The following CHIC2 variants were observed in gnomAD, a reference collection of about 807,000 sequenced individuals.
CHIC2 encodes cysteine rich hydrophobic domain 2, also known as cysteine-rich hydrophobic domain-containing protein 2.
CHIC2 carries 14 observed loss-of-function variants against 25.9 expected under a neutral mutation model. That is an observed-to-expected ratio of 0.54 (90% CI 0.36 to 0.85). CHIC2 has a LOEUF of 0.85. Ranked by LOEUF, CHIC2 falls within the 40% of genes least tolerant of loss-of-function variation. The pLI, the probability that CHIC2 is intolerant of heterozygous loss-of-function variation, is 0.01. For missense variants in CHIC2, 146 were observed against 202.0 expected (o/e 0.72, Z 1.68); for synonymous variants, 70 against 72.0 (o/e 0.97, Z 0.14).
chr4:54,061,253 T>G (rs553693558), intron 1 of CHIC2: 236 of 152,290 alleles, frequency 1.5e-3, no homozygotes, highest in African/African-American at 5.4e-3. Flanking sequence ...GGAAGGTAAC[T>G]TTCTTTCTCA....
chr4:54,074,597 A>AACACACACACACACACAC, the CHIC2 span, among the ~76,000 whole-genome samples: 2 of 139,602 alleles, frequency 1.4e-5, no homozygotes, highest in Admixed American at 7.0e-5. Context: ...ACAACACACA[A>AACACACACACACACACAC]ACACACACAC....
intron 1 of CHIC2, among the ~76,000 whole-genome samples, chr4:54,050,837 T>A (rs1458558559): frequency 2.6e-5 from 4 of 152,116 alleles, no homozygotes; most frequent in Admixed American, 6.5e-5. Flanking sequence ...TACTGACCCA[T>A]TTATCAGAGT....
chr4:54,022,810 G>T (rs956546549), intron 3 of CHIC2, among the ~76,000 whole-genome samples: 3 of 152,008 alleles, frequency 2.0e-5, no homozygotes, highest in East Asian at 1.9e-4. Flanking sequence ...CCCACAGCAC[G>T]ATTTAAAAGG....
intron 3 of CHIC2, among the ~76,000 whole-genome samples, chr4:54,046,015 CAGAG>C (rs1231800780): frequency 1.3e-5 from 2 of 151,868 alleles, no homozygotes. Flanking sequence ...AACAGACAAA[CAGAG>C]AGCCAAATCA....
the CHIC2 span, among the ~76,000 whole-genome samples, chr4:54,080,627 G>A: frequency 0.2 from 29,518 of 151,312 alleles, 2,988 homozygotes; most frequent in South Asian, 0.27. Context: ...TTAGCTGGGC[G>A]TGGTGGCACA....
intron 1 of CHIC2, among the ~76,000 whole-genome samples, chr4:54,063,347 G>A (rs1717394834): frequency 6.6e-6 from 1 of 152,190 alleles, no homozygotes; most frequent in African/African-American, 2.4e-5. Context: ...ACTTCATAGT[G>A]AAACATTACA....
At chr4:54,076,546 C>T in the CHIC2 span, 1 of 152,170 alleles carries the variant, frequency 6.6e-6, no homozygotes, top group Non-Finnish European at 1.5e-5. Flanking sequence ...ATTTTACAAT[C>T]CCATGATGAT....
At chr4:54,011,112 G>C (rs1044020167) in intron 5 of CHIC2, among the ~76,000 whole-genome samples, 2 of 152,104 alleles carry the variant, frequency 1.3e-5, no homozygotes, top group Non-Finnish European at 2.9e-5. Flanking sequence ...AAGTTTCTAA[G>C]TCTAGTGAAC....
chr4:54,082,194 C>T, the CHIC2 span, among the ~76,000 whole-genome samples: 1 of 152,212 alleles, frequency 6.6e-6, no homozygotes, highest in Non-Finnish European at 1.5e-5. Context: ...CTACATGGAT[C>T]TCAAAAATGA....
At chr4:54,022,295 C>T (rs536332538) in intron 3 of CHIC2, among the ~76,000 whole-genome samples, 81 of 152,240 alleles carry the variant, frequency 5.3e-4, no homozygotes, top group Admixed American at 2.7e-3. Context: ...GCTGCCCGAT[C>T]GCCTCAGAAG....
chr4:54,016,118 G>GATTTTACTTTTACT (rs1715730802), intron 3 of CHIC2, among the ~76,000 whole-genome samples: 2 of 152,092 alleles, frequency 1.3e-5, no homozygotes, highest in Non-Finnish European at 2.9e-5. Context: ...TGATTTTGGG[G>GATTTTACTTTTACT]GTGGGTGGAT....
At chr4:54,036,224 TAG>T (rs1468002564) in intron 3 of CHIC2, among the ~76,000 whole-genome samples, 1 of 152,242 alleles carries the variant, frequency 6.6e-6, no homozygotes, top group Non-Finnish European at 1.5e-5. Context: ...CTGACATCTG[TAG>T]GGATTTTCTG....
intron 3 of CHIC2, among the ~76,000 whole-genome samples, chr4:54,036,740 T>C (rs1337231992): frequency 6.6e-6 from 1 of 152,042 alleles, no homozygotes; most frequent in Non-Finnish European, 1.5e-5. Context: ...CCTCCACTTT[T>C]GGCAGTTTCT....
chr4:54,076,752 A>G, the CHIC2 span: 3 of 152,382 alleles, frequency 2.0e-5, no homozygotes, highest in Non-Finnish European at 4.4e-5. Flanking sequence ...TTGCTGAACC[A>G]AGAAAGCAGA....
chr4:54,025,649 A>G (rs895730741), intron 3 of CHIC2, among the ~76,000 whole-genome samples: 2 of 151,964 alleles, frequency 1.3e-5, no homozygotes, highest in African/African-American at 4.8e-5. Flanking sequence ...ACTTGAGCCT[A>G]GAAGTTCGAG....
intron 3 of CHIC2, among the ~76,000 whole-genome samples, chr4:54,040,304 C>T (rs1342313817): frequency 1.3e-5 from 2 of 152,292 alleles, no homozygotes; most frequent in South Asian, 2.1e-4. Context: ...CAGTGGCTCA[C>T]GCCTGTAATC....
At chr4:54,019,570 G>A (rs1715837732) in intron 3 of CHIC2, among the ~76,000 whole-genome samples, 1 of 151,996 alleles carries the variant, frequency 6.6e-6, no homozygotes, top group Non-Finnish European at 1.5e-5. Context: ...GGTTATACTG[G>A]TTATGAATTA....
At chr4:54,064,831 C>G, upstream of CHIC2, 1 of 215,212 alleles carries the variant, frequency 4.6e-6, no homozygotes, top group Non-Finnish European at 8.0e-6. The surrounding 1 kb of genome is among the most constrained non-coding windows in gnomAD (Gnocchi z 4.2). Context: ...CCGGCGGGCC[C>G]CCCTCCGCCG....
chr4:54,078,169 T>A, the CHIC2 span, among the ~76,000 whole-genome samples: 1 of 152,206 alleles, frequency 6.6e-6, no homozygotes, highest in Admixed American at 6.5e-5. Flanking sequence ...TTACAAACTT[T>A]AGGTAGCTCA....
Sources: allele counts gnomAD v4.1 joint callset (sites outside exome capture counted in the v4.1 genomes callset), GRCh38; gene constraint gnomAD v4.1.1; non-coding constraint Gnocchi (gnomAD v3.1); transcripts MANE v1.5; gene names NCBI Gene and HGNC (gene_info 2026-07-23, HGNC 2026-07-21).